SLC44A5: variants seen among roughly 807,000 people sequenced by gnomAD.
SLC44A5 encodes solute carrier family 44 member 5.
A neutral mutation model predicts 101.8 loss-of-function variants in SLC44A5; 57 were observed. The ratio of observed to expected loss-of-function variants is 0.56; its 90% CI spans 0.45 to 0.70. SLC44A5 has a LOEUF of 0.70. Ranked by LOEUF, SLC44A5 falls within the 30% of genes least tolerant of loss-of-function variation. The pLI, the probability that SLC44A5 is intolerant of heterozygous loss-of-function variation, is 0.00. For synonymous variants in SLC44A5, 281 were observed against 290.9 expected (o/e 0.97, Z 0.35); for missense variants, 737 against 853.1 (o/e 0.86, Z 1.70).
intron 3 of SLC44A5, among the ~76,000 whole-genome samples, chr1:75,367,724 C>T (rs1378244039): frequency 6.6e-6 from 1 of 152,156 alleles, no homozygotes; most frequent in Non-Finnish European, 1.5e-5. Context: ...GAGCTGTTTC[C>T]AGGTTTGTAG....
chr1:75,479,126 C>A (rs1045218185), intron 2 of SLC44A5, among the ~76,000 whole-genome samples: 1 of 152,198 alleles, frequency 6.6e-6, no homozygotes, highest in African/African-American at 2.4e-5. Context: ...TACATGGAAA[C>A]TGAACAACCT....
chr1:75,666,284 A>G, the SLC44A5 span, among the ~76,000 whole-genome samples: 8 of 152,356 alleles, frequency 5.3e-5, no homozygotes, highest in South Asian at 2.1e-4. Flanking sequence ...TTACCATCAG[A>G]GAATACTATA....
At chr1:75,658,903 C>A in the SLC44A5 span, among the ~76,000 whole-genome samples, 1 of 151,648 alleles carries the variant, frequency 6.6e-6, no homozygotes, top group Non-Finnish European at 1.5e-5. Flanking sequence ...ACTAAAGAGA[C>A]AAGACTCAAA....
chr1:75,493,606 A>T (rs1463742827), intron 2 of SLC44A5, among the ~76,000 whole-genome samples: 1 of 152,228 alleles, frequency 6.6e-6, no homozygotes, highest in African/African-American at 2.4e-5. Flanking sequence ...AATATCTTCA[A>T]AATCCTGAGG....
At chr1:75,384,373 A>C (rs1466398532) in intron 3 of SLC44A5, among the ~76,000 whole-genome samples, 1 of 143,942 alleles carries the variant, frequency 6.9e-6, no homozygotes, top group Non-Finnish European at 1.5e-5. Context: ...TCTACCAAGC[A>C]AATGGAAAAC....
At chr1:75,419,662 A>G (rs183591821) in intron 2 of SLC44A5, among the ~76,000 whole-genome samples, 219 of 152,294 alleles carry the variant, frequency 1.4e-3, no homozygotes, top group Non-Finnish European at 2.5e-3. Flanking sequence ...GAATCTACAC[A>G]AAGGAATTAA....
chr1:75,678,303 G>A, the SLC44A5 span, among the ~76,000 whole-genome samples: 48 of 152,238 alleles, frequency 3.2e-4, no homozygotes, highest in African/African-American at 1.1e-3. Flanking sequence ...TCCACCTCTG[G>A]GGGCAGGGCA....
chr1:75,361,983 CCTTA>C lies in SLC44A5; in HGVS notation c.53-22357_53-22354del, dbSNP rs1179224853. ...AGACATTTTGTTACTGATTAAATCT[CCTTA>C]CTTATTATCGATCTATTCAGATTTT... On this transcript the variant is annotated intron_variant, in intron 3 of 23. Transcript: ENST00000370859. 5.3e-5 allele frequency among the ~76,000 whole-genome samples: 8 copies of C among 152,054 alleles called. No homozygotes were observed. In the South Asian group the frequency reaches 1.2e-3, roughly 24 times the overall value.
intron 2 of SLC44A5, among the ~76,000 whole-genome samples, chr1:75,457,658 G>A (rs184818729): frequency 9.2e-5 from 14 of 152,280 alleles, no homozygotes; most frequent in Admixed American, 2.0e-4. Flanking sequence ...AAGCGTTTGA[G>A]AACAGCCTGG....
At chr1:75,516,374 C>A (rs1362450941) in intron 2 of SLC44A5, among the ~76,000 whole-genome samples, 1 of 151,886 alleles carries the variant, frequency 6.6e-6, no homozygotes. Flanking sequence ...ATTAGCCGGG[C>A]GTGGTGGTGG....
chr1:75,516,811 A>AT (rs1669866192), intron 2 of SLC44A5, among the ~76,000 whole-genome samples: 1 of 152,060 alleles, frequency 6.6e-6, no homozygotes, highest in South Asian at 2.1e-4. Context: ...TTAAATAACG[A>AT]TTTTTTGTCA....
chr1:75,641,619 C>A, the SLC44A5 span: 7 of 1,498,620 alleles, frequency 4.7e-6, no homozygotes, highest in African/African-American at 9.7e-5. Flanking sequence ...TTATTTGGGT[C>A]ACGGTTCAAA....
intron 4 of SLC44A5, among the ~76,000 whole-genome samples, chr1:75,321,796 A>G (rs927961922): frequency 6.6e-6 from 1 of 152,178 alleles, no homozygotes; most frequent in African/African-American, 2.4e-5. Flanking sequence ...TTTAAATTTC[A>G]CCAAAAAATA....
At chr1:75,291,145 ACTTATGTTT>A (rs1419299699) in intron 5 of SLC44A5, among the ~76,000 whole-genome samples, 1 of 152,162 alleles carries the variant, frequency 6.6e-6, no homozygotes, top group Non-Finnish European at 1.5e-5. Flanking sequence ...ACTTTAATAC[ACTTATGTTT>A]CTGATTATTC....
Position 75,412,195 on chromosome 1 carries a change from T to C in SLC44A5, c.14-15574A>G, listed in dbSNP as rs570929328. On this transcript the variant is annotated intron_variant, in intron 2 of 23. Coordinates refer to ENST00000370859, the MANE Select transcript of SLC44A5 (RefSeq NM_001130058.2). ...TAATCATCTTTAAATGCAAGGACTA[T>C]ATCTTTTTTAATCTTTGTATCTCCA... 1.6e-4 allele frequency among the ~76,000 whole-genome samples: 24 copies of C among 152,330 alleles called. No homozygotes were observed. In the South Asian group the frequency reaches 4.1e-3, roughly 26 times the overall value.
chr1:75,280,474 A>ATATTGTATATAATATAT (rs1337914746), intron 5 of SLC44A5, among the ~76,000 whole-genome samples: 1 of 104,452 alleles, frequency 9.6e-6, no homozygotes, highest in African/African-American at 3.8e-5. Flanking sequence ...TATAATATAT[A>ATATTGTATATAATATAT]ATTGTATATA....
the SLC44A5 span, among the ~76,000 whole-genome samples, chr1:75,667,026 C>G: frequency 1.3e-5 from 2 of 152,162 alleles, no homozygotes; most frequent in African/African-American, 4.8e-5. Flanking sequence ...AAAACCGGCA[C>G]AAGACAAGGA....
At chr1:75,483,513 G>T (rs111439032) in intron 2 of SLC44A5, among the ~76,000 whole-genome samples, 6 of 152,262 alleles carry the variant, frequency 3.9e-5, no homozygotes, top group African/African-American at 1.4e-4. Context: ...GCAAAAATGA[G>T]ACCCTCGAAT....
chr1:75,302,104 G>GTTTTTTTTTTTTTTTTTTTTTTTTTTTT lies in SLC44A5; in HGVS notation c.102-1420_102-1419insAAAAAAAAAAAAAAAAAAAAAAAAAAAA, dbSNP rs1204998592. ...ACAAGAGAAGAAAGCAGGTGCTCTA[G>GTTTTTTTTTTTTTTTTTTTTTTTTTTTT]TTTTTTTGTTTTTTTTTTTTTTTTT... On this transcript the variant is annotated intron_variant, in intron 4 of 23. Coordinates refer to ENST00000370859, the MANE Select transcript of SLC44A5 (RefSeq NM_001130058.2). Among the ~76,000 whole-genome samples, 3 of 49,590 alleles carry GTTTTTTTTTTTTTTTTTTTTTTTTTTTT rather than the reference G, an allele frequency of 6.0e-5. 1 individual carries two copies. Among genetic ancestry groups the GTTTTTTTTTTTTTTTTTTTTTTTTTTTT allele is most frequent in the African/African-American group, 2.8e-4 (3 of 10,534 alleles). 32.5% of individuals were successfully genotyped at this position (49,590 alleles called of 152,430 possible).
Sources: gnomAD v4.1 joint callset for allele counts (sites outside exome capture counted in the v4.1 genomes callset) on GRCh38, gnomAD v4.1.1 for gene constraint, MANE v1.5 for transcripts, NCBI Gene and HGNC (gene_info 2026-07-23, HGNC 2026-07-21) for gene names.